The following MGST1 variants were observed in gnomAD, a reference collection of about 807,000 sequenced individuals.
The protein encoded by MGST1 is microsomal glutathione S-transferase 1.
In MGST1, 5 loss-of-function variants were observed where a neutral mutation model predicts 8.9. That is an observed-to-expected ratio of 0.56 (90% confidence interval 0.29 to 1.19). The LOEUF (loss-of-function observed/expected upper bound fraction) is 1.19, where lower values mean the gene tolerates loss of function less well. Among genes scored for constraint, MGST1 ranks in the 50% most tolerant of loss-of-function variants. The pLI, the probability that MGST1 is intolerant of heterozygous loss-of-function variation, is 0.08. For synonymous variants in MGST1, 54 were observed against 67.8 expected, an observed-to-expected ratio of 0.80 and a Z score of 1.00; for missense variants, 182 against 187.4, an observed-to-expected ratio of 0.97 and a Z score of 0.17.
intron 4 of MGST1, among the ~76,000 whole-genome samples, chr12:16,531,986 C>A (rs1941726481): frequency 6.6e-6 from 1 of 152,090 alleles, no homozygotes; most frequent in African/African-American, 2.4e-5. Flanking sequence ...GAAAGCAGCC[C>A]TTGGCATCTC....
downstream of MGST1, chr12:16,364,536 A>G (rs1591705321): frequency 2.8e-5 from 10 of 352,918 alleles, no homozygotes; most frequent in Admixed American, 5.2e-4. This position sits in a 1 kb window ranked among gnomAD's most constrained non-coding sequence, Gnocchi z 5.7. Flanking sequence ...AACATTTTGC[A>G]TATTTGCTTT....
chr12:16,521,107 C>G (rs904918248), intron 4 of MGST1, among the ~76,000 whole-genome samples: 1 of 152,124 alleles, frequency 6.6e-6, no homozygotes, highest in Non-Finnish European at 1.5e-5. Context: ...TTAGGTACTC[C>G]CCTTTAGCTA....
intron 1 of MGST1, among the ~76,000 whole-genome samples, chr12:16,421,808 GGAATATAT>G (rs1940838737): frequency 6.6e-6 from 1 of 152,116 alleles, no homozygotes; most frequent in South Asian, 2.1e-4. Flanking sequence ...ATCCGTACTT[GGAATATAT>G]GTCCATTTTG....
intron 4 of MGST1, among the ~76,000 whole-genome samples, chr12:16,454,616 T>A: frequency 6.6e-6 from 1 of 151,872 alleles, no homozygotes; most frequent in East Asian, 1.9e-4. Context: ...AAAGTCTTTT[T>A]TCCTTTCAAC....
Position 16,546,004 on chromosome 12 carries a change from T to C in MGST1, n.483-43524T>C, listed in dbSNP as rs1390096730. Reference sequence around the variant, plus strand: ...TTAAATAGGCACACTACTTTCTGACTCTATGACCTTGGGCGAATTAAGTAA... The same window carrying C: ...TTAAATAGGCACACTACTTTCTGACCCTATGACCTTGGGCGAATTAAGTAA... On this transcript the variant is annotated intron_variant and non_coding_transcript_variant, in intron 4 of 4. Coordinates refer to the MGST1 transcript ENST00000538857. The surrounding 1 kb of genome is among the most constrained non-coding windows in gnomAD (Gnocchi z 4.7). 6.6e-6 allele frequency among the ~76,000 whole-genome samples: 1 copy of C among 152,122 alleles called. No individual in the cohort carries two copies. The highest frequency in any genetic ancestry group is 1.9e-4 in the East Asian group (1 of 5,198).
In MGST1 at chr12:16,364,149, T is replaced by C; in HGVS notation, c.*108T>C. The C allele has an allele frequency of 7.0e-7, 1 of 1,431,874 alleles. No individual in the cohort carries two copies. Among genetic ancestry groups the C allele is most frequent in the South Asian group, 1.6e-5 (1 of 61,734 alleles). 88.7% of individuals were successfully genotyped at this position (1,431,874 alleles called of 1,614,324 possible). ...AGGTAGGAGGGGAGCAGAGGAATTA[T>C]GAACTGGGGTAAACCCATTTTGAAT... On this transcript the variant is annotated 3_prime_UTR_variant, in exon 4 of 4. Coordinates refer to ENST00000396210, the MANE Select transcript of MGST1 (RefSeq NM_020300.5). This position sits in a 1 kb window ranked among gnomAD's most constrained non-coding sequence, Gnocchi z 5.7.
chr12:16,532,660 C>G (rs1941730012), intron 4 of MGST1, among the ~76,000 whole-genome samples: 1 of 152,272 alleles, frequency 6.6e-6, no homozygotes, highest in Middle Eastern at 3.4e-3. Context: ...AAGCGTTCGT[C>G]TCTATCCCAG....
chr12:16,562,834 G>A (rs116897296), intron 4 of MGST1, among the ~76,000 whole-genome samples: 3 of 152,306 alleles, frequency 2.0e-5, no homozygotes, highest in Non-Finnish European at 4.4e-5. Context: ...AGTCTCTGAT[G>A]GCTGCCCGTA....
intron 4 of MGST1, among the ~76,000 whole-genome samples, chr12:16,523,086 G>T (rs1941659200): frequency 6.6e-6 from 1 of 151,714 alleles, no homozygotes; most frequent in Non-Finnish European, 1.5e-5. Flanking sequence ...TAAAAGTAAA[G>T]ATATTGACAG....
In MGST1 at chr12:16,482,426, T is replaced by A. The variant is rs1412896645; in HGVS notation, n.482+98822T>A. On this transcript the variant is annotated intron_variant and non_coding_transcript_variant, in intron 4 of 4. Coordinates refer to the MGST1 transcript ENST00000538857. The surrounding 1 kb of genome is among the most constrained non-coding windows in gnomAD (Gnocchi z 4.2). ...GACAGGTGGATCACGAGGACAGGAG[T>A]TCCAGATCAGCCTGGCCAAGAGGGT... 6.7e-6 allele frequency among the ~76,000 whole-genome samples: 1 copy of A among 150,162 alleles called. No individual in the cohort carries two copies. The highest frequency in any genetic ancestry group is 2.5e-5 in the African/African-American group (1 of 40,732).
In MGST1 at chr12:16,566,041, A is replaced by T. The variant is rs867592398; in HGVS notation, n.483-23487A>T. 3.3e-3 allele frequency among the ~76,000 whole-genome samples: 297 copies of T among 90,732 alleles called. 5 individuals carry two copies. Among genetic ancestry groups the T allele is most frequent in the East Asian group, 0.017 (35 of 2,088 alleles). 59.5% of individuals were successfully genotyped at this position (90,732 alleles called of 152,430 possible). ...ATATATATATATATATATATATATA[A>T]AATGGAGTACTATTCAGCCATAAAA... On this transcript the variant is annotated intron_variant and non_coding_transcript_variant, in intron 4 of 4. Coordinates refer to the MGST1 transcript ENST00000538857.
At chr12:16,379,085 A>G (rs1940423768), downstream of MGST1, among the ~76,000 whole-genome samples, 2 of 152,240 alleles carry the variant, frequency 1.3e-5, no homozygotes, top group African/African-American at 2.4e-5. Flanking sequence ...CAATCATGTC[A>G]TCTGCAAACA....
intron 4 of MGST1, among the ~76,000 whole-genome samples, chr12:16,516,927 A>C (rs2137185460): frequency 6.6e-6 from 1 of 152,336 alleles, no homozygotes; most frequent in Admixed American, 6.5e-5. Flanking sequence ...ACTTACAATT[A>C]GCGAGTGTGC....
chr12:16,554,259 C>T (rs1487356196), intron 4 of MGST1, among the ~76,000 whole-genome samples: 1 of 152,132 alleles, frequency 6.6e-6, no homozygotes, highest in African/African-American at 2.4e-5. Context: ...AAGAAGCCTC[C>T]ACTGGTAACA....
chr12:16,584,650 G>C lies in MGST1; in HGVS notation n.483-4878G>C, dbSNP rs553365021. Reference sequence around the variant, plus strand: ...GATGTCTTAGCTTTGGCACAGTGAGGGTCCCAGAAAATATCCCACTTAAGT... The same window carrying C: ...GATGTCTTAGCTTTGGCACAGTGAGCGTCCCAGAAAATATCCCACTTAAGT... On this transcript the variant is annotated intron_variant and non_coding_transcript_variant, in intron 4 of 4. Transcript: ENST00000538857. This position sits in a 1 kb window ranked among gnomAD's most constrained non-coding sequence, Gnocchi z 5.2. Among the ~76,000 whole-genome samples, 5 of 152,200 alleles carry C rather than the reference G, an allele frequency of 3.3e-5. No individual in the cohort carries two copies. The highest frequency in any genetic ancestry group is 2.1e-4 in the South Asian group (1 of 4,810).
upstream of MGST1, among the ~76,000 whole-genome samples, chr12:16,382,402 A>G (rs995370618): frequency 1.3e-5 from 2 of 152,066 alleles, no homozygotes; most frequent in East Asian, 3.9e-4. Flanking sequence ...CTGGAGGTCC[A>G]CTCCAGACCC....
At chr12:16,436,753 A>G (rs1182043972) in intron 1 of MGST1, among the ~76,000 whole-genome samples, 1 of 152,018 alleles carries the variant, frequency 6.6e-6, no homozygotes, top group East Asian at 1.9e-4. Flanking sequence ...AGGAGAAACA[A>G]AGGCATAAAA....
intron 4 of MGST1, among the ~76,000 whole-genome samples, chr12:16,447,253 A>C (rs1281828176): frequency 6.6e-6 from 1 of 151,888 alleles, no homozygotes. Flanking sequence ...AAACTCTTAA[A>C]ACCAGTCATT....
chr12:16,453,326 TCTCGATTCGAGACTC>T (rs1941144915), intron 4 of MGST1, among the ~76,000 whole-genome samples: 2 of 151,960 alleles, frequency 1.3e-5, no homozygotes, highest in Non-Finnish European at 2.9e-5. Context: ...TAACATTTAT[TCTCGATTCGAGACTC>T]TAATGTTCAG....
Sources: gnomAD v4.1 joint callset for allele counts (sites outside exome capture counted in the v4.1 genomes callset) on GRCh38, gnomAD v4.1.1 for gene constraint, Gnocchi (gnomAD v3.1) non-coding constraint, MANE v1.5 for transcripts, NCBI Gene and HGNC (gene_info 2026-07-23, HGNC 2026-07-21) for gene names.